LMF1: variants seen among roughly 807,000 people sequenced by gnomAD.
LMF1 encodes the protein lipase maturation factor 1.
LMF1 carries 68 observed loss-of-function variants against 60.6 expected under a neutral mutation model. The ratio of observed to expected loss-of-function variants is 1.12; its 90% confidence interval spans 0.92 to 1.37. LMF1 has a LOEUF of 1.37. LMF1 is among the 40% of genes most tolerant of loss of function. The pLI is 0.00. For synonymous variants in LMF1, 418 were observed against 324.7 expected, an observed-to-expected ratio of 1.29 and a Z score of -3.09; for missense variants, 948 against 767.2, an observed-to-expected ratio of 1.24 and a Z score of -2.78.
In LMF1 at chr16:934,444, G is replaced by A. The variant is rs73483809; in HGVS notation, c.504-190C>T. 48,504 of 639,318 alleles carry A rather than the reference G, an allele frequency of 0.076. 2,143 individuals are homozygous for A. The highest frequency in any genetic ancestry group is 0.089 in the Non-Finnish European group (32,425 of 366,358). 39.6% of individuals were successfully genotyped at this position (639,318 alleles called of 1,614,324 possible). On this transcript the variant is annotated intron_variant, in intron 2 of 10. Coordinates refer to ENST00000262301, the MANE Select transcript of LMF1 (RefSeq NM_022773.4). The stretch of plus-strand genomic sequence containing the variant: ...CCTCCCCACGGCTCACACACAGGCA[G>A]GCCCAGAACAGGCAACCAAAACATA...
chr16:870,314 G>A (rs781649641), intron 8 of LMF1, among the ~76,000 whole-genome samples: 19 of 152,230 alleles, frequency 1.2e-4, no homozygotes, highest in Non-Finnish European at 2.6e-4. Flanking sequence ...CAGCCGCCAT[G>A]TGCCCCATGC....
At chr16:912,596 G>C (rs891756075) in intron 3 of LMF1, among the ~76,000 whole-genome samples, 14 of 152,170 alleles carry the variant, frequency 9.2e-5, no homozygotes, top group Admixed American at 9.2e-4. Flanking sequence ...ATGCTGCCCC[G>C]GCTTATGGAG....
chr16:978,662 CA>C (rs2073247192), intron 1 of LMF1, among the ~76,000 whole-genome samples: 3 of 152,144 alleles, frequency 2.0e-5, no homozygotes, highest in African/African-American at 7.2e-5. Flanking sequence ...CTGCAAGGCC[CA>C]CTAGCAGGTG....
chr16:883,958 T>C (rs539934083), intron 5 of LMF1: 2 of 152,334 alleles, frequency 1.3e-5, no homozygotes, highest in South Asian at 2.1e-4. Context: ...CTACCTGCTT[T>C]ATCTATTATT....
chr16:909,489 C>T lies in LMF1; in HGVS notation c.663+1442G>A, dbSNP rs557601961. On this transcript the variant is annotated intron_variant, in intron 4 of 10. Coordinates refer to ENST00000262301, the MANE Select transcript of LMF1 (RefSeq NM_022773.4). ...CCACGCCACACAGAACCACGCTATG[C>T]GCTATACTGAGCCACGCTACACAGA... Among the ~76,000 whole-genome samples, 87 of 152,282 alleles carry T rather than the reference C, an allele frequency of 5.7e-4. 1 individual carries two copies. In the South Asian group the frequency reaches 0.015, roughly 26 times the overall value.
At chr16:918,506 T>TG (rs2071340030) in intron 3 of LMF1, among the ~76,000 whole-genome samples, 2 of 152,386 alleles carry the variant, frequency 1.3e-5, no homozygotes, top group Admixed American at 1.3e-4. Context: ...GTCAGGCTGG[T>TG]GGGCACCACA....
At chr16:916,920 G>T (rs2071294244) in intron 3 of LMF1, among the ~76,000 whole-genome samples, 1 of 152,154 alleles carries the variant, frequency 6.6e-6, no homozygotes. Context: ...TATGGCCATT[G>T]CTCTGCACAG....
intron 2 of LMF1, among the ~76,000 whole-genome samples, chr16:939,539 G>A (rs531478221): frequency 1.6e-4 from 25 of 152,358 alleles, no homozygotes; most frequent in Admixed American, 1.4e-3. Flanking sequence ...AGACGGGCGC[G>A]TGGCATCTGG....
intron 10 of LMF1, among the ~76,000 whole-genome samples, chr16:860,353 T>A (rs1347972382): frequency 6.6e-6 from 1 of 152,072 alleles, no homozygotes; most frequent in Admixed American, 6.6e-5. Context: ...AGTTTTTTTT[T>A]TTTTGAGATG....
chr16:950,029 C>T (rs1179245415), intron 2 of LMF1, among the ~76,000 whole-genome samples: 4 of 128,814 alleles, frequency 3.1e-5, no homozygotes, highest in South Asian at 2.7e-4. Flanking sequence ...ACAGAGTCAG[C>T]CAACGACAGA....
At chr16:972,462 G>T (rs112451926), upstream of LMF1, among the ~76,000 whole-genome samples, 6 of 152,256 alleles carry the variant, frequency 3.9e-5, no homozygotes, top group South Asian at 4.1e-4. Context: ...CCCACGACCC[G>T]TACCTCTCCT....
Position 962,583 on chromosome 16 carries a change from C to T in LMF1, c.194-7917G>A, listed in dbSNP as rs1378338335. 6.6e-6 allele frequency among the ~76,000 whole-genome samples: 1 copy of T among 152,214 alleles called. No individual in the cohort carries two copies. The highest frequency in any genetic ancestry group is 1.9e-4 in the East Asian group (1 of 5,184). On this transcript the variant is annotated intron_variant, in intron 1 of 10. Transcript: ENST00000262301. The surrounding 1 kb of genome is among the most constrained non-coding windows in gnomAD (Gnocchi z 4.5). ...CCTCTGTGGGCGTCTTCCCAAAACCCATCACCCAGTCTAATTGCGAGGAAA... is the reference window on the plus strand; with the variant it reads ...CCTCTGTGGGCGTCTTCCCAAAACCTATCACCCAGTCTAATTGCGAGGAAA...
At chr16:917,154 C>G (rs911667526) in intron 3 of LMF1, among the ~76,000 whole-genome samples, 16 of 152,224 alleles carry the variant, frequency 1.1e-4, no homozygotes, top group Admixed American at 1.0e-3. Flanking sequence ...AGGCCCAAAG[C>G]CACTCTCATG....
At chr16:976,350 G>C in intron 1 of LMF1, 1 of 454,148 alleles carries the variant, frequency 2.2e-6, no homozygotes, top group South Asian at 1.6e-5. Context: ...GCGATCTGTA[G>C]TCCAGGTGTC....
intron 4 of LMF1, among the ~76,000 whole-genome samples, chr16:909,262 C>T (rs776932942): frequency 4.6e-5 from 7 of 152,064 alleles, no homozygotes; most frequent in Non-Finnish European, 8.8e-5. Context: ...AAAAGGAGGG[C>T]GCTGGGGAAG....
At chr16:913,099 C>T (rs1431661440) in intron 3 of LMF1, among the ~76,000 whole-genome samples, 1 of 152,242 alleles carries the variant, frequency 6.6e-6, no homozygotes, top group African/African-American at 2.4e-5. Context: ...TGCGCAGCTG[C>T]ACGCGCTGCC....
intron 3 of LMF1, among the ~76,000 whole-genome samples, chr16:915,179 G>C (rs941767217): frequency 6.6e-6 from 1 of 152,238 alleles, no homozygotes; most frequent in African/African-American, 2.4e-5. Flanking sequence ...AGAGCCAAGG[G>C]GCGACCAAGG....
intron 6 of LMF1, among the ~76,000 whole-genome samples, chr16:877,917 G>C (rs2070040416): frequency 6.6e-6 from 1 of 152,076 alleles, no homozygotes; most frequent in Non-Finnish European, 1.5e-5. Flanking sequence ...TGACTTAAAA[G>C]GGCACCATTT....
intron 4 of LMF1, chr16:898,865 ATTTTTT>A (rs2070733324): frequency 1.3e-5 from 2 of 152,102 alleles, no homozygotes; most frequent in Admixed American, 1.3e-4. Context: ...TTTTATTTTT[ATTTTTT>A]GGCAAACGAC....
Sources: allele counts gnomAD v4.1 joint callset (sites outside exome capture counted in the v4.1 genomes callset), GRCh38; gene constraint gnomAD v4.1.1; non-coding constraint Gnocchi (gnomAD v3.1); transcripts MANE v1.5; gene names NCBI Gene and HGNC (gene_info 2026-07-23, HGNC 2026-07-21).